Variants in PHTF2 observed in about 807,000 individuals in gnomAD.
PHTF2 encodes putative homeodomain transcription factor 2, also known as protein PHTF2.
A neutral mutation model predicts 101.2 loss-of-function variants in PHTF2; 60 were observed. The ratio of observed to expected loss-of-function variants is 0.59; its 90% CI spans 0.48 to 0.73. PHTF2 has a LOEUF of 0.73. Ranked by LOEUF, PHTF2 falls within the 30% of genes least tolerant of loss-of-function variation. The pLI is 0.00. For synonymous variants in PHTF2, 311 were observed against 307.3 expected (o/e 1.01, Z -0.13); for missense variants, 747 against 908.7 (o/e 0.82, Z 2.29).
At chr7:77,922,809 C>A in intron 11 of PHTF2, 31 bp downstream of exon 10, 2 of 1,433,652 alleles carry the variant, frequency 1.4e-6, no homozygotes, top group Non-Finnish European at 1.9e-6. Context: ...TGTATACATA[C>A]GTATCTATTT....
intron 3 of PHTF2, among the ~76,000 whole-genome samples, chr7:77,886,634 G>A (rs1799874061): frequency 6.6e-6 from 1 of 152,102 alleles, no homozygotes; most frequent in Non-Finnish European, 1.5e-5. Flanking sequence ...AGTTACTATG[G>A]AATATATTAG....
intron 2 of PHTF2, among the ~76,000 whole-genome samples, chr7:77,849,607 T>G (rs1796577109): frequency 6.6e-6 from 1 of 152,364 alleles, no homozygotes; most frequent in East Asian, 1.9e-4. Context: ...AGAATGTCAT[T>G]GGCATTTTGA....
Position 77,954,741 on chromosome 7 carries a change from A to G in PHTF2, c.2338-117A>G, listed in dbSNP as rs1806885177. On this transcript the variant is annotated intron_variant, in intron 19 of 19. Transcript: ENST00000416283. ...CTTAAAAGGATAAAGGAGTTAAAAT[A>G]TTAGAAACTGCACTTGTTTGTGAAT... 6 of 588,862 alleles carry G rather than the reference A, an allele frequency of 1.0e-5. No homozygotes were observed. The South Asian group carries it at 1.3e-4, about 13-fold the overall frequency. 36.5% of individuals were successfully genotyped at this position (588,862 alleles called of 1,614,324 possible). A position where few individuals can be genotyped will look rare whatever the true frequency, so the allele number is the denominator to read the frequency against.
chr7:77,829,187 A>C (rs1767324864), intron 1 of PHTF2, among the ~76,000 whole-genome samples: 2 of 152,130 alleles, frequency 1.3e-5, no homozygotes, highest in African/African-American at 2.4e-5. Context: ...TCTCCTAACA[A>C]AGAGATTATA....
chr7:77,948,027 C>CG (rs756942605), intron 16 of PHTF2, among the ~76,000 whole-genome samples: 7 of 151,076 alleles, frequency 4.6e-5, no homozygotes, highest in Non-Finnish European at 1.0e-4. Context: ...TTAGTAGAGA[C>CG]GGGGGTTTCA....
At chr7:77,887,463 C>G (rs1312261062) in intron 3 of PHTF2, among the ~76,000 whole-genome samples, 2 of 151,178 alleles carry the variant, frequency 1.3e-5, no homozygotes, top group Non-Finnish European at 2.9e-5. Flanking sequence ...TGTAATGGCT[C>G]AAACTTTAGA....
chr7:77,953,793 T>C (rs776979256), exon 19 of PHTF2: 3 of 1,613,498 alleles, frequency 1.9e-6, no homozygotes, highest in Admixed American at 3.3e-5. Flanking sequence ...TTTTAGATTA[T>C]ATGGGCTTAC....
chr7:77,823,034 A>G (rs1352766917), intron 1 of PHTF2, among the ~76,000 whole-genome samples: 3 of 148,412 alleles, frequency 2.0e-5, no homozygotes, highest in East Asian at 4.0e-4. Flanking sequence ...CCTCCCGAGT[A>G]GCTGGGACTA....
exon 9 of PHTF2, chr7:77,910,328 T>C: frequency 6.2e-7 from 1 of 1,613,702 alleles, no homozygotes; most frequent in Non-Finnish European, 8.5e-7. Context: ...GAGGGAGCAG[T>C]TCAGAACCAC....
At chr7:77,899,426 A>G (rs1445404663) in intron 5 of PHTF2, among the ~76,000 whole-genome samples, 1 of 152,054 alleles carries the variant, frequency 6.6e-6, no homozygotes, top group African/African-American at 2.4e-5. Flanking sequence ...TTGGGGGTAC[A>G]AAGAAATTTT....
chr7:77,847,094 T>A (rs561554685), intron 2 of PHTF2, among the ~76,000 whole-genome samples: 1 of 152,338 alleles, frequency 6.6e-6, no homozygotes, highest in Non-Finnish European at 1.5e-5. Context: ...GATTTCTTAC[T>A]GTATGAGAGA....
chr7:77,941,758 G>C (rs1562970974), intron 15 of PHTF2, among the ~76,000 whole-genome samples: 1 of 152,156 alleles, frequency 6.6e-6, no homozygotes, highest in Admixed American at 6.5e-5. Flanking sequence ...TGCTACTTCA[G>C]TTACCTCTTA....
chr7:77,938,435 A>G (rs1805343131), intron 13 of PHTF2, among the ~76,000 whole-genome samples: 1 of 152,312 alleles, frequency 6.6e-6, no homozygotes, highest in Middle Eastern at 3.4e-3. Flanking sequence ...ACTGATTTTT[A>G]AAATGTGTTG....
chr7:77,857,325 G>A lies in PHTF2; in HGVS notation c.147+2491G>A, dbSNP rs1797263681. On this transcript the variant is annotated intron_variant, in intron 3 of 19. Transcript: ENST00000416283. ...CCCCAGAGGTCATGAATAGGAAAAA[G>A]AGACAACCACAGGCCATCATGGTAC... Among the ~76,000 whole-genome samples the A allele has an allele frequency of 2.0e-5, 3 of 152,272 alleles. No individual in the cohort carries two copies. The East Asian group carries it at 5.8e-4, about 29-fold the overall frequency.
At chr7:77,864,818 A>G (rs1034764648) in intron 3 of PHTF2, among the ~76,000 whole-genome samples, 4 of 151,748 alleles carry the variant, frequency 2.6e-5, no homozygotes, top group East Asian at 1.9e-4. Flanking sequence ...TACAGTTTAC[A>G]GAGTAATATT....
exon 20 of PHTF2, chr7:77,956,935 T>C (rs892800453): frequency 6.6e-6 from 1 of 152,178 alleles, no homozygotes; most frequent in African/African-American, 2.4e-5. Flanking sequence ...ATAAATAATA[T>C]GTTGAATTAT....
intron 1 of PHTF2, among the ~76,000 whole-genome samples, chr7:77,810,541 T>G (rs946414508): frequency 6.6e-5 from 10 of 152,134 alleles, no homozygotes; most frequent in Admixed American, 6.6e-4. Flanking sequence ...GACCTCCCAT[T>G]TTTTTTCTTT....
At chr7:77,935,286 G>C (rs953466750) in intron 12 of PHTF2, among the ~76,000 whole-genome samples, 1 of 132,124 alleles carries the variant, frequency 7.6e-6, no homozygotes, top group Admixed American at 9.0e-5. Flanking sequence ...GCAGTGGCGC[G>C]ATCTCGGCTC....
intron 1 of PHTF2, among the ~76,000 whole-genome samples, chr7:77,820,139 T>C (rs1794164639): frequency 6.6e-6 from 1 of 152,190 alleles, no homozygotes; most frequent in African/African-American, 2.4e-5. Context: ...TCTGCCCTCC[T>C]CGGCCTCCCA....
Sources: allele counts gnomAD v4.1 joint callset (sites outside exome capture counted in the v4.1 genomes callset), GRCh38; gene constraint gnomAD v4.1.1; transcripts MANE v1.5; gene names NCBI Gene and HGNC (gene_info 2026-07-23, HGNC 2026-07-21).